The following OPCML variants were observed in gnomAD, a reference collection of about 807,000 sequenced individuals.
The protein encoded by OPCML is opioid-binding protein/cell adhesion molecule.
Under a neutral mutation model 37.8 loss-of-function variants are expected in OPCML, and 13 were observed. The observed-to-expected ratio is 0.34, with a 90% CI of 0.22 to 0.55. The LOEUF (loss-of-function observed/expected upper bound fraction) is 0.55, where lower values mean the gene tolerates loss of function less well. Among genes scored for constraint, OPCML ranks in the 20% least tolerant of loss-of-function variants. OPCML has a pLI of 0.91. For missense variants in OPCML, 341 were observed against 435.6 expected (o/e 0.78, Z 1.93); for synonymous variants, 176 against 168.8 (o/e 1.04, Z -0.33).
chr11:133,005,427 C>T, intron 1 of OPCML: 1 of 985,358 alleles, frequency 1.0e-6, no homozygotes, highest in Non-Finnish European at 1.2e-6. Flanking sequence ...CCCATGTTCT[C>T]CTTTTCTACC....
intron 2 of OPCML, among the ~76,000 whole-genome samples, chr11:132,701,772 G>C (rs867754719): frequency 2.3e-3 from 333 of 144,548 alleles, no homozygotes; most frequent in Middle Eastern, 7.0e-3. Context: ...TTGTGTGTGT[G>C]TGTGTGTGTG....
At position 133,458,531 on chromosome 11, in the gene OPCML, GTA is replaced by G. The variant is rs1334277973; in HGVS notation, c.61+73731_61+73732del. Among the ~76,000 whole-genome samples the G allele has an allele frequency of 2.2e-5, 2 of 91,862 alleles. 1 individual carries two copies. Among genetic ancestry groups the G allele is most frequent in the African/African-American group, 2.4e-4 (2 of 8,366 alleles). 60.3% of individuals were successfully genotyped at this position (91,862 alleles called of 152,430 possible). A position where few individuals can be genotyped will look rare whatever the true frequency, so the allele number is the denominator to read the frequency against. ...ATATACACATATATACACTGTGTGT[GTA>G]TACACATATATACACGTGTGTGTGT... is the stretch of plus-strand genomic sequence containing the variant. On this transcript the variant is annotated intron_variant, in intron 1 of 7. Transcript: ENST00000524381.
At chr11:133,161,420 C>G (rs1232566332) in intron 1 of OPCML, among the ~76,000 whole-genome samples, 1 of 152,070 alleles carries the variant, frequency 6.6e-6, no homozygotes, top group Admixed American at 6.5e-5. Context: ...GGTAGACAAG[C>G]GTGAGGAAGG....
intron 1 of OPCML, among the ~76,000 whole-genome samples, chr11:133,095,636 A>G (rs1948989083): frequency 6.7e-6 from 1 of 148,322 alleles, no homozygotes; most frequent in Admixed American, 6.9e-5. Context: ...AGTAGTCATG[A>G]ATTCTAATAA....
At chr11:132,782,834 T>G (rs928727670) in intron 2 of OPCML, among the ~76,000 whole-genome samples, 2 of 149,478 alleles carry the variant, frequency 1.3e-5, no homozygotes, top group Non-Finnish European at 3.0e-5. Context: ...ACATTATATC[T>G]CTATATAAAT....
intron 1 of OPCML, among the ~76,000 whole-genome samples, chr11:133,119,522 G>A (rs1185885348): frequency 6.6e-6 from 1 of 151,886 alleles, no homozygotes; most frequent in African/African-American, 2.4e-5. Flanking sequence ...CCCAGCCCAG[G>A]GCACTGGGAA....
chr11:132,839,557 A>G (rs1020879077), intron 2 of OPCML, among the ~76,000 whole-genome samples: 10 of 152,184 alleles, frequency 6.6e-5, no homozygotes, highest in Admixed American at 2.6e-4. Context: ...ATTCCATATC[A>G]ATTCCACGTG....
chr11:132,752,982 C>T (rs1945890834), intron 2 of OPCML, among the ~76,000 whole-genome samples: 1 of 152,116 alleles, frequency 6.6e-6, no homozygotes, highest in African/African-American at 2.4e-5. Flanking sequence ...CTTACTGGCT[C>T]TTTACATCCA....
At chr11:133,365,708 G>A (rs1425443914) in intron 1 of OPCML, 1 of 152,244 alleles carries the variant, frequency 6.6e-6, no homozygotes, top group African/African-American at 2.4e-5. Context: ...GCCATCTGCT[G>A]TCTAAAGTCT....
intron 1 of OPCML, among the ~76,000 whole-genome samples, chr11:133,026,744 C>A (rs1947562365): frequency 6.6e-6 from 1 of 152,110 alleles, no homozygotes; most frequent in African/African-American, 2.4e-5. Flanking sequence ...TTTGTCTTTC[C>A]CGCTAGTGTC....
chr11:133,468,167 TTC>T, intron 1 of OPCML, among the ~76,000 whole-genome samples: 1 of 152,198 alleles, frequency 6.6e-6, no homozygotes, highest in Non-Finnish European at 1.5e-5. Context: ...TTCCTTGCCT[TTC>T]ATTGATGGCA....
At chr11:132,754,952 G>A (rs760390539) in intron 2 of OPCML, among the ~76,000 whole-genome samples, 20 of 152,240 alleles carry the variant, frequency 1.3e-4, no homozygotes, top group Admixed American at 3.3e-4. Flanking sequence ...GAAGAAGTGG[G>A]GCTGAAGACC....
rs562451119 is a variant in OPCML, at chr11:132,606,641, C to T, written c.379+50446G>A. Among the ~76,000 whole-genome samples the T allele has an allele frequency of 8.5e-4, 128 of 150,422 alleles. 2 individuals are homozygous for T. The South Asian group carries it at 0.026, about 31-fold the overall frequency. On this transcript the variant is annotated intron_variant, in intron 3 of 7. Coordinates refer to ENST00000524381, the MANE Select transcript of OPCML (RefSeq NM_001012393.5). ...CATCCTGCAAGGACCAGCCTCCAAG[C>T]CTCTCCCCTTTTCCCACTTCTGGGC...
intron 1 of OPCML, among the ~76,000 whole-genome samples, chr11:133,376,396 C>T (rs909254600): frequency 1.6e-4 from 25 of 152,082 alleles, no homozygotes; most frequent in Non-Finnish European, 3.2e-4. Context: ...CAGACATAAG[C>T]TGCAATATTG....
At chr11:133,237,044 A>T (rs1378486159) in intron 1 of OPCML, among the ~76,000 whole-genome samples, 1 of 152,204 alleles carries the variant, frequency 6.6e-6, no homozygotes, top group Non-Finnish European at 1.5e-5. Flanking sequence ...TCTTTACAGC[A>T]CCGAGGAACA....
In OPCML at chr11:133,208,323, G is replaced by T. The variant is rs571767851; in HGVS notation, c.62-265313C>A. 6.6e-6 allele frequency among the ~76,000 whole-genome samples: 1 copy of T among 152,158 alleles called. No homozygotes were observed. The highest frequency in any genetic ancestry group is 1.5e-5 in the Non-Finnish European group (1 of 68,020). On this transcript the variant is annotated intron_variant, in intron 1 of 7. Transcript: ENST00000524381. This position sits in a 1 kb window ranked among gnomAD's most constrained non-coding sequence, Gnocchi z 8.9. Reference sequence around the variant, plus strand: ...ATGCGGGACAGAAGCCTACACTACCGTGTGTTCTACTACATTCAGTATCAT... The same window carrying T: ...ATGCGGGACAGAAGCCTACACTACCTTGTGTTCTACTACATTCAGTATCAT...
chr11:133,005,379 C>T (rs2136859675), intron 1 of OPCML: 1 of 985,398 alleles, frequency 1.0e-6, no homozygotes, highest in Admixed American at 6.1e-5. Flanking sequence ...TGCCGTTTCT[C>T]AGATATCTGT....
At chr11:132,971,822 C>T (rs2136757115) in intron 1 of OPCML, among the ~76,000 whole-genome samples, 1 of 152,260 alleles carries the variant, frequency 6.6e-6, no homozygotes, top group African/African-American at 2.4e-5. Context: ...ATTATCTACT[C>T]CCAAATCTAG....
At chr11:132,522,916 T>TG (rs1169975916) in intron 4 of OPCML, among the ~76,000 whole-genome samples, 12 of 152,250 alleles carry the variant, frequency 7.9e-5, no homozygotes, top group Admixed American at 6.5e-4. Context: ...AAATGAACGC[T>TG]GTAGCAGAAA....
Sources: allele counts gnomAD v4.1 joint callset (sites outside exome capture counted in the v4.1 genomes callset), GRCh38; gene constraint gnomAD v4.1.1; non-coding constraint Gnocchi (gnomAD v3.1); transcripts MANE v1.5; gene names NCBI Gene and HGNC (gene_info 2026-07-23, HGNC 2026-07-21).